CNTN4: variants seen among roughly 807,000 people sequenced by gnomAD.
CNTN4 encodes contactin-4.
CNTN4 carries 77 observed loss-of-function variants against 122.5 expected under a neutral mutation model. The ratio of observed to expected loss-of-function variants is 0.63; its 90% CI spans 0.52 to 0.76. The LOEUF (loss-of-function observed/expected upper bound fraction) is 0.76. Ranked by LOEUF, CNTN4 falls within the 30% of genes least tolerant of loss-of-function variation. The pLI, the probability that CNTN4 is intolerant of heterozygous loss-of-function variation, is 0.00. For missense variants in CNTN4, 1,256 were observed against 1,259.1 expected (o/e 1.00, Z 0.04); for synonymous variants, 512 against 447.0 (o/e 1.15, Z -1.83).
intron 14 of CNTN4, among the ~76,000 whole-genome samples, chr3:3,022,492 A>T (rs1295480370): frequency 6.6e-6 from 1 of 152,202 alleles, no homozygotes; most frequent in Non-Finnish European, 1.5e-5. Context: ...AGACAATAAA[A>T]GCTATAAATC....
At chr3:2,430,422 C>CAAAAAA (rs545639324) in intron 3 of CNTN4, among the ~76,000 whole-genome samples, 1 of 60,198 alleles carries the variant, frequency 1.7e-5, no homozygotes, top group African/African-American at 5.7e-5. Flanking sequence ...ACTCTTGTCT[C>CAAAAAA]AAAAAAAAAA....
At chr3:2,386,173 A>C (rs12636283) in intron 3 of CNTN4, among the ~76,000 whole-genome samples, 28,929 of 151,952 alleles carry the variant, frequency 0.19, 2,990 homozygotes, top group Middle Eastern at 0.27. Context: ...CCCAGAAGGG[A>C]AAAATGAGTG....
chr3:2,441,163 A>C (rs962755253), intron 3 of CNTN4, among the ~76,000 whole-genome samples: 1 of 152,124 alleles, frequency 6.6e-6, no homozygotes, highest in Non-Finnish European at 1.5e-5. Flanking sequence ...GTCACTAAAG[A>C]CAAAATGAGT....
At chr3:2,559,476 A>T (rs1464706152) in intron 3 of CNTN4, among the ~76,000 whole-genome samples, 1 of 152,176 alleles carries the variant, frequency 6.6e-6, no homozygotes, top group African/African-American at 2.4e-5. Context: ...TGACAAATGG[A>T]AATAATCATA....
intron 2 of CNTN4, among the ~76,000 whole-genome samples, chr3:2,121,683 A>G (rs936444791): frequency 2.0e-5 from 3 of 152,126 alleles, no homozygotes; most frequent in Admixed American, 2.0e-4. Context: ...GAAGTGTACA[A>G]CCTTCACTCT....
At chr3:2,941,595 C>A (rs1462184292) in intron 13 of CNTN4, among the ~76,000 whole-genome samples, 1 of 152,144 alleles carries the variant, frequency 6.6e-6, no homozygotes, top group Non-Finnish European at 1.5e-5. Context: ...AATCTATCTC[C>A]TTCTTTCTAT....
At chr3:2,746,390 C>G (rs189575078) in intron 6 of CNTN4, among the ~76,000 whole-genome samples, 389 of 152,082 alleles carry the variant, frequency 2.6e-3, no homozygotes, top group Non-Finnish European at 3.6e-3. Flanking sequence ...CACCATTTAA[C>G]AAAAGTCCAT....
rs1183307225 is a variant in CNTN4 at position 2,300,539 on chromosome 3, GTTTA to G, written c.-144-38634_-144-38631del. Among the ~76,000 whole-genome samples, 7 of 116,864 alleles carry G rather than the reference GTTTA, an allele frequency of 6.0e-5. No homozygotes were observed. The East Asian group carries it at 2.1e-3, about 34-fold the overall frequency. 76.7% of individuals were successfully genotyped at this position (116,864 alleles called of 152,430 possible). A position where few individuals can be genotyped will look rare whatever the true frequency, so the allele number is the denominator to read the frequency against. ...CATTTAGCCCCATCAAAAGGGATGA[GTTTA>G]TTTACACAGTGACCGTCTTTTTTTT... is the stretch of plus-strand genomic sequence containing the variant. On this transcript the variant is annotated intron_variant, in intron 2 of 24. Transcript: ENST00000418658.
intron 23 of CNTN4, among the ~76,000 whole-genome samples, chr3:3,051,809 C>G (rs527602649): frequency 6.6e-6 from 1 of 152,338 alleles, no homozygotes; most frequent in South Asian, 2.1e-4. Context: ...TTATGAATTT[C>G]ACTTGTGTCT....
At chr3:2,111,330 T>C (rs1204914842) in intron 2 of CNTN4, among the ~76,000 whole-genome samples, 1 of 152,226 alleles carries the variant, frequency 6.6e-6, no homozygotes, top group Non-Finnish European at 1.5e-5. Context: ...ATTAATACTT[T>C]TCTTTTAAAC....
chr3:2,234,442 T>C (rs2039608665), intron 2 of CNTN4, among the ~76,000 whole-genome samples: 1 of 150,978 alleles, frequency 6.6e-6, no homozygotes, highest in African/African-American at 2.4e-5. Context: ...CATCAGCTTG[T>C]GGAGTTAGTC....
chr3:2,758,099 A>G lies in CNTN4; in HGVS notation c.358+12402A>G, dbSNP rs190564252. ...CTACCTCATAAAATTTAGATTAATT[A>G]TATCTTAAAGGCCCTTCTTTATATA... On this transcript the variant is annotated intron_variant, in intron 6 of 24. Coordinates refer to ENST00000418658, the MANE Select transcript of CNTN4 (RefSeq NM_175607.3). Among the ~76,000 whole-genome samples the G allele has an allele frequency of 7.9e-4, 121 of 152,294 alleles. 1 individual carries two copies. The highest frequency in any genetic ancestry group is 2.7e-3 in the African/African-American group (112 of 41,576).
intron 2 of CNTN4, among the ~76,000 whole-genome samples, chr3:2,280,097 C>T (rs1159457277): frequency 6.6e-6 from 1 of 150,882 alleles, no homozygotes; most frequent in Non-Finnish European, 1.5e-5. Context: ...TATGTATATA[C>T]CAGACCATTC....
At chr3:2,979,317 A>G (rs894296632) in intron 13 of CNTN4, among the ~76,000 whole-genome samples, 10 of 152,196 alleles carry the variant, frequency 6.6e-5, no homozygotes, top group African/African-American at 2.2e-4. Flanking sequence ...GTAAAAGGCT[A>G]TATTTGCATT....
intron 4 of CNTN4, among the ~76,000 whole-genome samples, chr3:2,579,240 G>C (rs1300718693): frequency 6.6e-6 from 1 of 152,190 alleles, no homozygotes; most frequent in Non-Finnish European, 1.5e-5. Context: ...GAACTCTTTT[G>C]AATGAAACAA....
At chr3:3,012,444 T>TTTTTTG (rs774346666) in intron 14 of CNTN4, among the ~76,000 whole-genome samples, 2 of 151,576 alleles carry the variant, frequency 1.3e-5, no homozygotes, top group African/African-American at 2.4e-5. Flanking sequence ...ATCGGTTTGG[T>TTTTTTG]TTTTTGTTTT....
chr3:2,708,729 A>ACT (rs917709740), intron 4 of CNTN4, among the ~76,000 whole-genome samples: 1 of 4,648 alleles, frequency 2.2e-4, no homozygotes, highest in African/African-American at 8.9e-4. Context: ...CGCGCGCATC[A>ACT]CACACACACA....
chr3:2,154,708 A>C (rs1242519438), intron 2 of CNTN4, among the ~76,000 whole-genome samples: 2 of 152,206 alleles, frequency 1.3e-5, no homozygotes, highest in East Asian at 3.9e-4. Flanking sequence ...TTCAGTAGAG[A>C]CTTGAATGAT....
At chr3:2,165,904 A>G (rs1346801103) in intron 2 of CNTN4, among the ~76,000 whole-genome samples, 1 of 152,138 alleles carries the variant, frequency 6.6e-6, no homozygotes, top group Admixed American at 6.6e-5. Context: ...GTGGAATATT[A>G]TATTACTATT....
Sources: allele counts gnomAD v4.1 joint callset (sites outside exome capture counted in the v4.1 genomes callset), GRCh38; gene constraint gnomAD v4.1.1; transcripts MANE v1.5; gene names NCBI Gene and HGNC (gene_info 2026-07-23, HGNC 2026-07-21).